The following MITF variants were observed in gnomAD, a reference collection of about 807,000 sequenced individuals.
MITF encodes microphthalmia-associated transcription factor.
In MITF, 17 loss-of-function variants were observed where a neutral mutation model predicts 60.5. That is an observed-to-expected ratio of 0.28 (90% confidence interval 0.19 to 0.42). MITF has a LOEUF of 0.42. Among genes scored for constraint, MITF ranks in the 10% least tolerant of loss-of-function variants. The pLI is 1.00. For synonymous variants in MITF, 260 were observed against 248.5 expected (o/e 1.05, Z -0.43); for missense variants, 622 against 683.5 (o/e 0.91, Z 1.00).
chr3:69,843,024 A>G (rs2063668022), intron 1 of MITF, among the ~76,000 whole-genome samples: 1 of 152,192 alleles, frequency 6.6e-6, no homozygotes, highest in African/African-American at 2.4e-5. Flanking sequence ...CCACTGCCAG[A>G]TGGGCTGTCC....
chr3:69,939,200 G>A lies in MITF; in HGVS notation c.666+19G>A, dbSNP rs2107484262. On this transcript the variant is annotated intron_variant, in intron 4 of 9. Transcript: ENST00000352241. ...TATGCAGGTACTGAATGACTTGGCA[G>A]CCTGAGGATGAACACTTTGTAATGA... 1 of 1,604,334 alleles carries A rather than the reference G, an allele frequency of 6.2e-7. No individual in the cohort carries two copies. The highest frequency in any genetic ancestry group is 2.2e-5 in the East Asian group (1 of 44,766).
chr3:69,924,900 C>T (rs1278937803), intron 2 of MITF, among the ~76,000 whole-genome samples: 1 of 152,108 alleles, frequency 6.6e-6, no homozygotes, highest in Non-Finnish European at 1.5e-5. Flanking sequence ...TTCTCTTACT[C>T]TCACAATCCA....
At chr3:69,815,562 C>T (rs1575757196) in intron 1 of MITF, among the ~76,000 whole-genome samples, 1 of 152,154 alleles carries the variant, frequency 6.6e-6, no homozygotes, top group African/African-American at 2.4e-5. Flanking sequence ...TGTAAGAATA[C>T]AGTGCACAAT....
intron 8 of MITF, among the ~76,000 whole-genome samples, chr3:69,957,400 C>T (rs2066425709): frequency 6.6e-6 from 1 of 152,150 alleles, no homozygotes. Flanking sequence ...ATTTGCTGTT[C>T]ACGTTACTGT....
chr3:69,780,117 A>G (rs2062539600), intron 1 of MITF, among the ~76,000 whole-genome samples: 1 of 152,152 alleles, frequency 6.6e-6, no homozygotes, highest in South Asian at 2.1e-4. Context: ...TCTGGTAAGT[A>G]CTATAGGGGT....
intron 1 of MITF, among the ~76,000 whole-genome samples, chr3:69,850,329 G>T (rs547066592): frequency 3.9e-5 from 6 of 152,238 alleles, no homozygotes; most frequent in African/African-American, 9.6e-5. Context: ...TTTGCAAACC[G>T]TTTGGCAAGT....
chr3:69,959,882 G>A (rs2066497737), intron 9 of MITF, among the ~76,000 whole-genome samples: 1 of 152,206 alleles, frequency 6.6e-6, no homozygotes. Context: ...TGTGCTTACA[G>A]AGAAAATACA....
intron 5 of MITF, among the ~76,000 whole-genome samples, chr3:69,945,796 G>A (rs1183747462): frequency 6.6e-6 from 1 of 152,150 alleles, no homozygotes; most frequent in East Asian, 1.9e-4. Context: ...ATCCCCTGCA[G>A]GTGCATCAAC....
chr3:69,816,541 C>T (rs1176154471), intron 1 of MITF, among the ~76,000 whole-genome samples: 1 of 152,172 alleles, frequency 6.6e-6, no homozygotes, highest in Non-Finnish European at 1.5e-5. Context: ...CTTTTCATGG[C>T]TGAAGTGTAA....
At chr3:69,899,984 C>T (rs1051002594) in intron 2 of MITF, among the ~76,000 whole-genome samples, 1 of 152,136 alleles carries the variant, frequency 6.6e-6, no homozygotes, top group Non-Finnish European at 1.5e-5. Flanking sequence ...TCCACTTATG[C>T]ACCATTCTGT....
intron 4 of MITF, 95 bp from the exon 5 acceptor site, chr3:69,941,141 T>C: frequency 2.6e-6 from 2 of 761,204 alleles, no homozygotes; most frequent in Middle Eastern, 3.5e-4. Flanking sequence ...AAGACCATTA[T>C]TGCTTTGGGT....
chr3:69,850,641 C>T (rs1015365642), intron 1 of MITF, among the ~76,000 whole-genome samples: 4 of 152,140 alleles, frequency 2.6e-5, no homozygotes, highest in African/African-American at 4.8e-5. Flanking sequence ...AACCGATGTG[C>T]TGTCATTAAC....
At chr3:69,752,123 C>T (rs1703960684) in intron 1 of MITF, 1 of 152,148 alleles carries the variant, frequency 6.6e-6, no homozygotes, top group South Asian at 2.1e-4. Flanking sequence ...TTTAATCAGC[C>T]CATGGAACCA....
intron 1 of MITF, among the ~76,000 whole-genome samples, chr3:69,833,359 T>C (rs980660790): frequency 2.6e-5 from 4 of 152,250 alleles, no homozygotes; most frequent in African/African-American, 9.6e-5. Context: ...TGTAGTTGTT[T>C]TTCTATTTAC....
intron 3 of MITF, chr3:69,938,856 G>A: frequency 2.8e-6 from 4 of 1,426,416 alleles, no homozygotes; most frequent in Middle Eastern, 2.6e-4. Flanking sequence ...AATTTCTAGA[G>A]GGACTAAAAT....
intron 2 of MITF, among the ~76,000 whole-genome samples, chr3:69,880,420 C>T (rs908129164): frequency 2.6e-5 from 4 of 151,980 alleles, no homozygotes; most frequent in South Asian, 2.1e-4. Flanking sequence ...TTTTTATTTG[C>T]GAAGACTTAA....
intron 1 of MITF, among the ~76,000 whole-genome samples, chr3:69,752,868 A>T (rs139308908): frequency 2.6e-5 from 4 of 151,834 alleles, no homozygotes; most frequent in Admixed American, 1.3e-4. Context: ...GAGATGCCTC[A>T]CTCCCCTTTT....
At chr3:69,759,617 G>C (rs2062181173) in intron 1 of MITF, among the ~76,000 whole-genome samples, 1 of 152,202 alleles carries the variant, frequency 6.6e-6, no homozygotes, top group African/African-American at 2.4e-5. Flanking sequence ...AATGAGGGTT[G>C]ACTATATTAA....
At chr3:69,956,608 G>A in intron 8 of MITF, 78 bp downstream of exon 8, 3 of 1,260,596 alleles carry the variant, frequency 2.4e-6, no homozygotes, top group Admixed American at 1.7e-5. Flanking sequence ...AAAAAATGCA[G>A]TTGTAAAAAC....
Sources: gnomAD v4.1 joint callset for allele counts (sites outside exome capture counted in the v4.1 genomes callset) on GRCh38, gnomAD v4.1.1 for gene constraint, MANE v1.5 for transcripts, NCBI Gene and HGNC (gene_info 2026-07-23, HGNC 2026-07-21) for gene names.